ABL1: variants seen among roughly 807,000 people sequenced by gnomAD.
ABL1 encodes tyrosine-protein kinase ABL1.
A neutral mutation model predicts 94.7 loss-of-function variants in ABL1; 11 were observed. The observed-to-expected ratio is 0.12, with a 90% CI of 0.07 to 0.19. ABL1 has a LOEUF of 0.19. Ranked by LOEUF, ABL1 falls within the 10% of genes least tolerant of loss-of-function variation. The probability of loss-of-function intolerance (pLI) is 1.00; values close to 1 mark genes in which losing one functional copy is unlikely to be tolerated. For missense variants in ABL1, 1,082 were observed against 1,489.4 expected (o/e 0.73, Z 4.50); for synonymous variants, 656 against 622.4 (o/e 1.05, Z -0.80).
intron 1 of ABL1, among the ~76,000 whole-genome samples, chr9:130,776,555 C>T (rs962029175): frequency 6.1e-5 from 9 of 146,810 alleles, no homozygotes; most frequent in South Asian, 4.3e-4. Context: ...CTAGCCTGGG[C>T]GACAAAGTGA....
intron 1 of ABL1, among the ~76,000 whole-genome samples, chr9:130,763,438 G>A (rs754140477): frequency 5.9e-5 from 9 of 152,102 alleles, no homozygotes; most frequent in Non-Finnish European, 7.4e-5. Context: ...GGACAGTCAT[G>A]GTTCTTGCCC....
intron 1 of ABL1, among the ~76,000 whole-genome samples, chr9:130,757,601 C>T (rs1023185846): frequency 8.5e-5 from 11 of 129,074 alleles, no homozygotes; most frequent in South Asian, 5.4e-4. Flanking sequence ...TGTAGTGGTG[C>T]GATCTCAGCT....
intron 1 of ABL1, among the ~76,000 whole-genome samples, chr9:130,767,888 A>T (rs886074482): frequency 2.6e-5 from 4 of 152,250 alleles, no homozygotes; most frequent in African/African-American, 9.6e-5. Context: ...TTCAATCATC[A>T]AGATTTAGAC....
chr9:130,721,482 A>G (rs771479536), intron 1 of ABL1, among the ~76,000 whole-genome samples: 1 of 152,028 alleles, frequency 6.6e-6, no homozygotes, highest in Non-Finnish European at 1.5e-5. Flanking sequence ...GCCAAGGCAG[A>G]TGGATCACTT....
chr9:130,799,936 A>T (rs1830033094), intron 1 of ABL1, among the ~76,000 whole-genome samples: 1 of 151,794 alleles, frequency 6.6e-6, no homozygotes, highest in African/African-American at 2.4e-5. Context: ...GCAGTGGCGC[A>T]ATCTCGGCTC....
intron 1 of ABL1, among the ~76,000 whole-genome samples, chr9:130,746,000 A>G (rs1421509464): frequency 6.6e-6 from 1 of 152,156 alleles, no homozygotes; most frequent in African/African-American, 2.4e-5. Context: ...TGCCAGTTTC[A>G]TGCTTCACTG....
chr9:130,726,603 T>C (rs1400635485), intron 1 of ABL1, among the ~76,000 whole-genome samples: 2 of 152,196 alleles, frequency 1.3e-5, no homozygotes, highest in Non-Finnish European at 2.9e-5. Context: ...TTTTCCATTT[T>C]ATTGATTTCT....
At chr9:130,762,473 T>G (rs1407197709) in intron 1 of ABL1, among the ~76,000 whole-genome samples, 1 of 152,186 alleles carries the variant, frequency 6.6e-6, no homozygotes, top group Non-Finnish European at 1.5e-5. Flanking sequence ...AGTTGTTGGG[T>G]GTGTTGAATG....
At position 130,863,644 on chromosome 9, in the gene ABL1, A is replaced by G. The variant is rs1831111138; in HGVS notation, c.822+609A>G. Among the ~76,000 whole-genome samples, 1 of 152,186 alleles carries G rather than the reference A, an allele frequency of 6.6e-6. No homozygotes were observed. The highest frequency in any genetic ancestry group is 6.5e-5 in the Admixed American group (1 of 15,288). On this transcript the variant is annotated intron_variant, in intron 4 of 10. Transcript: ENST00000318560. The surrounding 1 kb of genome is among the most constrained non-coding windows in gnomAD (Gnocchi z 4.3). ...AACTGGGACTTTACCCTCTCCACTA[A>G]TGAATAGTGTTTGTAGTTTCCAGGC...
In ABL1 at chr9:130,793,074, C is replaced by T. The variant is rs571375079; in HGVS notation, c.137-60990C>T. Reference sequence around the variant, plus strand: ...CCGAGTAGCTGGGATTACAGGTGCCCGCCACCATGCCCACCTAGTTTTTGT... The same window carrying T: ...CCGAGTAGCTGGGATTACAGGTGCCTGCCACCATGCCCACCTAGTTTTTGT... On this transcript the variant is annotated intron_variant, in intron 1 of 10. Coordinates refer to the ABL1 transcript ENST00000372348. 3.9e-5 allele frequency among the ~76,000 whole-genome samples: 6 copies of T among 152,172 alleles called. No homozygotes were observed. The East Asian group carries it at 5.8e-4, about 15-fold the overall frequency.
chr9:130,790,641 T>A (rs1200624636), intron 1 of ABL1, among the ~76,000 whole-genome samples: 3 of 151,524 alleles, frequency 2.0e-5, no homozygotes, highest in Admixed American at 6.6e-5. Context: ...ATTTTTTTTT[T>A]ATTTTTATTT....
intron 4 of ABL1, among the ~76,000 whole-genome samples, 195 bp from the exon 5 acceptor site, chr9:130,871,934 C>T (rs994992321): frequency 2.6e-5 from 4 of 152,240 alleles, no homozygotes; most frequent in African/African-American, 9.6e-5. Context: ...AGTTTGGCCC[C>T]AAAGGGGAAA....
chr9:130,728,230 ATT>A (rs55915035), intron 1 of ABL1, among the ~76,000 whole-genome samples: 5 of 102,616 alleles, frequency 4.9e-5, no homozygotes, highest in East Asian at 3.6e-4. Context: ...TGTCCAGCTG[ATT>A]TTTTTTTTTT....
In ABL1 at chr9:130,884,644, G is replaced by T. The variant is rs777796369; in HGVS notation, c.2354G>T (p.Arg785Met). 6.2e-7 allele frequency: 1 copy of T among 1,613,284 alleles called. No homozygotes were observed. The highest frequency in any genetic ancestry group is 1.1e-5 in the South Asian group (1 of 91,080). Reference protein sequence around the residue: ...VTRGTVTPPPRLVKKNEEAAD... With the variant: ...VTRGTVTPPPMLVKKNEEAAD... ...CGAGGCACAGTAACGCCTCCCCCCA[G>T]GCTGGTGAAAAAGAATGAGGAAGCT... Residue 785 changes from arginine (R) to methionine (M), a missense_variant, in exon 11 of 11, where the codon AGG becomes ATG. By Grantham distance (91) the Arg-to-Met change is moderately conservative (BLOSUM62 -1). Around this residue, in one of 7 missense-constraint regions of ABL1, gnomAD observed 780 missense variants for 835.8 expected, o/e 0.93. Coordinates refer to ENST00000318560, the MANE Select transcript of ABL1 (RefSeq NM_005157.6). This position sits in a 1 kb window ranked among gnomAD's most constrained non-coding sequence, Gnocchi z 5.6.
chr9:130,854,948 G>T lies in ABL1; in HGVS notation c.401G>T (p.Arg134Leu). 1 of 1,614,220 alleles carries T rather than the reference G, an allele frequency of 6.2e-7. No homozygotes were observed. Among genetic ancestry groups the T allele is most frequent in the Non-Finnish European group, 8.5e-7 (1 of 1,180,032 alleles). ...KHSWYHGPVS[R>L]NAAEYLLSSG... ...TCCTGGTACCATGGGCCTGTGTCCC[G>T]CAATGCCGCTGAGTATCTGCTGAGC... Residue 134 changes from arginine to leucine, a missense_variant, in exon 3 of 11, where the codon CGC (arginine) becomes CTC (leucine). Coordinates refer to ENST00000318560, the MANE Select transcript of ABL1 (RefSeq NM_005157.6).
At chr9:130,859,893 C>G (rs186162367) in intron 3 of ABL1, among the ~76,000 whole-genome samples, 7 of 151,788 alleles carry the variant, frequency 4.6e-5, no homozygotes, top group Admixed American at 6.6e-5. Context: ...GTTGGCCAGG[C>G]TGGTTTCGAA....
intron 1 of ABL1, among the ~76,000 whole-genome samples, chr9:130,779,522 T>C (rs771940906): frequency 6.6e-6 from 1 of 152,182 alleles, no homozygotes; most frequent in Non-Finnish European, 1.5e-5. Context: ...TTAAAGTCTT[T>C]ATTCCCCAAC....
At chr9:130,850,589 C>G (rs1367070500) in intron 1 of ABL1, among the ~76,000 whole-genome samples, 1 of 152,206 alleles carries the variant, frequency 6.6e-6, no homozygotes, top group African/African-American at 2.4e-5. Flanking sequence ...TTACTACAAC[C>G]TCTGCCTCCT....
At chr9:130,734,623 G>A (rs1202387713) in intron 1 of ABL1, among the ~76,000 whole-genome samples, 1 of 151,514 alleles carries the variant, frequency 6.6e-6, no homozygotes, top group African/African-American at 2.4e-5. Flanking sequence ...CCAGGTTCAG[G>A]CAATTCTCCT....
Sources: gnomAD v4.1 joint callset for allele counts (sites outside exome capture counted in the v4.1 genomes callset) on GRCh38, gnomAD v4.1.1 for gene constraint, gnomAD v4.1.1 regional missense constraint, Gnocchi (gnomAD v3.1) non-coding constraint, MANE v1.5 for transcripts, NCBI Gene and HGNC (gene_info 2026-07-23, HGNC 2026-07-21) for gene names.